The following FCHO2 variants were observed in gnomAD, a reference collection of about 807,000 sequenced individuals.
FCHO2 encodes FCH and mu domain containing endocytic adaptor 2.
Under a neutral mutation model 114.1 loss-of-function variants are expected in FCHO2, and 43 were observed. The ratio of observed to expected loss-of-function variants is 0.38; its 90% confidence interval spans 0.30 to 0.49. The LOEUF is 0.49. FCHO2 is among the 20% of genes least tolerant of loss of function. FCHO2 has a pLI of 0.97. For synonymous variants in FCHO2, 293 were observed against 315.2 expected (o/e 0.93, Z 0.75); for missense variants, 807 against 950.4 (o/e 0.85, Z 1.98).
At position 73,045,840 on chromosome 5, in the gene FCHO2, G is replaced by A. The variant is rs181794908; in HGVS notation, c.939+4525G>A. Among the ~76,000 whole-genome samples, 156 of 152,286 alleles carry A rather than the reference G, an allele frequency of 1.0e-3. 2 individuals carry two copies. The highest frequency in any genetic ancestry group is 1.6e-4 in the Non-Finnish European group (11 of 68,026). On this transcript the variant is annotated intron_variant, in intron 11 of 25. Transcript: ENST00000430046. ...ATTGATATATTTGGACCATTTATATGTAATGATATTGTCAGATTTTAAGAT... is the reference window on the plus strand; with the variant it reads ...ATTGATATATTTGGACCATTTATATATAATGATATTGTCAGATTTTAAGAT...
chr5:73,043,172 TTTTC>T (rs1482058480), intron 11 of FCHO2, among the ~76,000 whole-genome samples: 1 of 152,080 alleles, frequency 6.6e-6, no homozygotes, highest in Non-Finnish European at 1.5e-5. Context: ...CTTCAAGCCA[TTTTC>T]CTGCTTCAGT....
At chr5:72,962,889 C>T (rs868473810) in intron 1 of FCHO2, among the ~76,000 whole-genome samples, 99 of 143,412 alleles carry the variant, frequency 6.9e-4, no homozygotes, top group Admixed American at 1.7e-3. Context: ...AAGACTCTGT[C>T]TCAAAAAAAA....
chr5:73,003,240 C>T (rs1473282389), intron 5 of FCHO2, among the ~76,000 whole-genome samples: 1 of 152,086 alleles, frequency 6.6e-6, no homozygotes, highest in Non-Finnish European at 1.5e-5. Flanking sequence ...TCTCGAACTC[C>T]TGGGCTCAAA....
At chr5:73,017,813 A>AC (rs1755387254) in intron 8 of FCHO2, among the ~76,000 whole-genome samples, 1 of 152,052 alleles carries the variant, frequency 6.6e-6, no homozygotes, top group African/African-American at 2.4e-5. Flanking sequence ...AATATACCAG[A>AC]CCCCATTCTA....
chr5:73,085,777 AAAATAAATAAATAAATAAATAAAT>A (rs144379859), intron 24 of FCHO2, among the ~76,000 whole-genome samples: 37 of 140,246 alleles, frequency 2.6e-4, no homozygotes, highest in Middle Eastern at 3.6e-3. Context: ...TCTGTCTCAA[AAAATAAATAAATAAATAAATAAAT>A]AAATAAATAA....
In FCHO2 at chr5:73,021,763, TTAAA is replaced by T. The variant is rs1185602412; in HGVS notation, c.796+4457_796+4460del. 2.0e-5 allele frequency among the ~76,000 whole-genome samples: 3 copies of T among 152,346 alleles called. No homozygotes were observed. The East Asian group carries it at 5.8e-4, about 29-fold the overall frequency. On this transcript the variant is annotated intron_variant, in intron 8 of 25. Coordinates refer to ENST00000430046, the MANE Select transcript of FCHO2 (RefSeq NM_138782.3). ...TATTTGTAAGCAGTATATATTTTTG[TTAAA>T]TGAATGAACAAATGGGCATTTAATG...
At position 72,958,549 on chromosome 5, in the gene FCHO2, C is replaced by T. The variant is rs985951304; in HGVS notation, c.33+2420C>T. ...ATTCCATTGTCTTCCCTTACGACAG[C>T]CAGTAACACACAGTTTGGATTGCTG... On this transcript the variant is annotated intron_variant, in intron 1 of 25. Coordinates refer to ENST00000430046, the MANE Select transcript of FCHO2 (RefSeq NM_138782.3). Among the ~76,000 whole-genome samples the T allele has an allele frequency of 2.0e-5, 3 of 152,224 alleles. No homozygotes were observed. The East Asian group carries it at 5.8e-4, about 29-fold the overall frequency.
At chr5:73,040,393 A>G (rs1756748477) in intron 10 of FCHO2, among the ~76,000 whole-genome samples, 1 of 152,134 alleles carries the variant, frequency 6.6e-6, no homozygotes, top group African/African-American at 2.4e-5. Context: ...TGGATTAGGG[A>G]TGCTCAGCCT....
At chr5:73,056,737 A>C (rs1757614436) in intron 16 of FCHO2, among the ~76,000 whole-genome samples, 1 of 152,092 alleles carries the variant, frequency 6.6e-6, no homozygotes, top group Non-Finnish European at 1.5e-5. Context: ...GGTTATTCTC[A>C]TGGGAATTTT....
intron 24 of FCHO2, among the ~76,000 whole-genome samples, chr5:73,087,321 G>A (rs950157354): frequency 1.3e-5 from 2 of 151,788 alleles, no homozygotes; most frequent in Non-Finnish European, 2.9e-5. Flanking sequence ...CTTTTGACTC[G>A]CCTCAACATG....
intron 6 of FCHO2, 49 bp downstream of exon 6, chr5:73,006,598 T>C: frequency 8.1e-7 from 1 of 1,228,364 alleles, no homozygotes; most frequent in African/African-American, 1.6e-5. Context: ...TATATTTGTG[T>C]ATATTGATTA....
At chr5:73,020,495 C>T (rs1755559817) in intron 8 of FCHO2, among the ~76,000 whole-genome samples, 1 of 152,168 alleles carries the variant, frequency 6.6e-6, no homozygotes, top group African/African-American at 2.4e-5. Flanking sequence ...CAGAAATAGA[C>T]TGGGTGTACC....
At chr5:73,066,698 T>C (rs1471105473) in intron 18 of FCHO2, among the ~76,000 whole-genome samples, 4 of 150,954 alleles carry the variant, frequency 2.6e-5, no homozygotes, top group African/African-American at 9.7e-5. Context: ...GAACCACTCA[T>C]TGTTCTAGAG....
chr5:72,998,007 G>C (rs1327319300), intron 5 of FCHO2, among the ~76,000 whole-genome samples: 1 of 151,398 alleles, frequency 6.6e-6, no homozygotes, highest in Non-Finnish European at 1.5e-5. Context: ...CAGCTTTGTT[G>C]TGATTTGATT....
chr5:73,033,340 A>G (rs1756331432), intron 8 of FCHO2, among the ~76,000 whole-genome samples: 1 of 152,108 alleles, frequency 6.6e-6, no homozygotes, highest in Admixed American at 6.5e-5. Context: ...ATGTTAATTT[A>G]TTTTATTTGA....
At chr5:73,030,307 G>A (rs1165980230) in intron 8 of FCHO2, among the ~76,000 whole-genome samples, 1 of 152,132 alleles carries the variant, frequency 6.6e-6, no homozygotes, top group Non-Finnish European at 1.5e-5. Flanking sequence ...CTTTCACAGT[G>A]CTGGGATTAC....
chr5:73,065,615 T>C (rs181548845), intron 18 of FCHO2, among the ~76,000 whole-genome samples: 215 of 152,190 alleles, frequency 1.4e-3, no homozygotes, highest in Non-Finnish European at 2.0e-3. Context: ...TATTGTTGAA[T>C]GCAAATAGTT....
intron 5 of FCHO2, among the ~76,000 whole-genome samples, chr5:72,999,241 CG>C (rs1335355077): frequency 1.3e-5 from 2 of 151,516 alleles, no homozygotes; most frequent in Non-Finnish European, 2.9e-5. Flanking sequence ...TTTGGCCTAT[CG>C]TAAGGTTTTT....
chr5:72,994,966 T>C (rs1241661855), intron 5 of FCHO2, among the ~76,000 whole-genome samples: 4 of 150,106 alleles, frequency 2.7e-5, no homozygotes, highest in Non-Finnish European at 5.9e-5. Flanking sequence ...GGAGAGAGGG[T>C]GGGGAGAAGG....
Sources: allele counts gnomAD v4.1 joint callset (sites outside exome capture counted in the v4.1 genomes callset), GRCh38; gene constraint gnomAD v4.1.1; transcripts MANE v1.5; gene names NCBI Gene and HGNC (gene_info 2026-07-23, HGNC 2026-07-21).